The following CMIP variants were observed in gnomAD, a reference collection of about 807,000 sequenced individuals.
CMIP encodes the protein C-Maf-inducing protein.
Under a neutral mutation model 97.3 loss-of-function variants are expected in CMIP, and 13 were observed. That is an observed-to-expected ratio of 0.13 (90% CI 0.09 to 0.21). CMIP has a LOEUF of 0.21. Among genes scored for constraint, CMIP ranks in the 10% least tolerant of loss-of-function variants. The pLI, the probability that CMIP is intolerant of heterozygous loss-of-function variation, is 1.00. For synonymous variants in CMIP, 538 were observed against 436.3 expected (o/e 1.23, Z -2.91); for missense variants, 847 against 1,024.9 (o/e 0.83, Z 2.37).
chr16:81,445,521 A>T lies in CMIP; in HGVS notation c.280A>T (p.Asn94Tyr). The T allele has an allele frequency of 6.5e-7, 1 of 1,549,662 alleles. No homozygotes were observed. Among genetic ancestry groups the T allele is most frequent in the Non-Finnish European group, 8.7e-7 (1 of 1,146,916 alleles). ...GCCGCACCACCTAACGCTGGCCGAC[A>T]ACAGCCTGGCGTCCGCCACGGTGAG... ...WEPHHLTLAD[N>Y]SLASATPTGY... is the part of the protein sequence containing the mutation. Residue 94 changes from asparagine (N) to tyrosine (Y), a missense_variant, in exon 1 of 21, where the codon AAC becomes TAC. Around this residue, in one of 4 missense-constraint regions of CMIP, gnomAD observed 285 missense variants for 392.2 expected, o/e 0.73. Transcript: ENST00000537098.
chr16:81,473,449 G>C (rs1907682034), intron 1 of CMIP, among the ~76,000 whole-genome samples: 1 of 150,280 alleles, frequency 6.7e-6, no homozygotes, highest in Non-Finnish European at 1.5e-5. Flanking sequence ...GTCTTTGTTG[G>C]TTTTCTTTTT....
Position 81,522,019 on chromosome 16 carries a change from C to A in CMIP, c.300+76478C>A, listed in dbSNP as rs145847760. ...AAGCAGGATTTCAGAGGTGCTGTTA[C>A]AATTTAAGAGTAAATCTGATATTTA... On this transcript the variant is annotated intron_variant, in intron 1 of 20. Coordinates refer to ENST00000537098, the MANE Select transcript of CMIP (RefSeq NM_198390.3). Among the ~76,000 whole-genome samples, 419 of 152,282 alleles carry A rather than the reference C, an allele frequency of 2.8e-3. 1 individual carries two copies. Among genetic ancestry groups the A allele is most frequent in the African/African-American group, 9.7e-3 (402 of 41,556 alleles).
chr16:81,583,754 G>C (rs1222495841), intron 1 of CMIP, among the ~76,000 whole-genome samples: 1 of 152,176 alleles, frequency 6.6e-6, no homozygotes, highest in Non-Finnish European at 1.5e-5. Context: ...GGAAAGACGA[G>C]AGCATCTGAA....
At chr16:81,484,204 G>A (rs541333973) in intron 1 of CMIP, among the ~76,000 whole-genome samples, 3 of 152,242 alleles carry the variant, frequency 2.0e-5, no homozygotes, top group African/African-American at 4.8e-5. Flanking sequence ...CTTCCCTGGC[G>A]GACCTCGCCC....
chr16:81,488,974 C>CG (rs1383396210), intron 1 of CMIP, among the ~76,000 whole-genome samples: 2 of 103,200 alleles, frequency 1.9e-5, no homozygotes, highest in South Asian at 6.1e-4. Flanking sequence ...TTCTTTCATT[C>CG]ATTTTTTTTT....
chr16:81,594,780 A>ATTTTTT (rs570057427), intron 1 of CMIP, among the ~76,000 whole-genome samples: 44 of 115,030 alleles, frequency 3.8e-4, no homozygotes, highest in African/African-American at 4.5e-4. Context: ...CGCCCAGCTA[A>ATTTTTT]TTTTTTTTTT....
At chr16:81,558,282 A>G (rs144780899) in intron 1 of CMIP, among the ~76,000 whole-genome samples, 192 of 152,118 alleles carry the variant, frequency 1.3e-3, no homozygotes, top group African/African-American at 4.4e-3. Flanking sequence ...CTCCATCAGC[A>G]GACACGAGGC....
chr16:81,676,437 C>T (rs895414193), intron 9 of CMIP, among the ~76,000 whole-genome samples: 5 of 152,064 alleles, frequency 3.3e-5, no homozygotes, highest in Admixed American at 2.6e-4. Flanking sequence ...CCCAGGTTAG[C>T]GTGGCTCTCT....
At chr16:81,620,417 C>T (rs1167418217) in intron 2 of CMIP, 1 of 155,454 alleles carries the variant, frequency 6.4e-6, no homozygotes, top group African/African-American at 2.4e-5. Flanking sequence ...TGATAGGTGC[C>T]ACCTCATAGG....
intron 1 of CMIP, among the ~76,000 whole-genome samples, chr16:81,511,898 G>A (rs948028872): frequency 6.6e-6 from 1 of 151,988 alleles, no homozygotes; most frequent in Non-Finnish European, 1.5e-5. Context: ...CCAATACCAC[G>A]GCCACCAGCC....
chr16:81,488,975 A>T (rs1338508405), intron 1 of CMIP, among the ~76,000 whole-genome samples: 16 of 148,590 alleles, frequency 1.1e-4, no homozygotes, highest in South Asian at 6.4e-4. Flanking sequence ...TCTTTCATTC[A>T]TTTTTTTTTT....
At chr16:81,689,712 G>A (rs1216210917) in intron 10 of CMIP, among the ~76,000 whole-genome samples, 3 of 152,184 alleles carry the variant, frequency 2.0e-5, no homozygotes, top group Admixed American at 6.5e-5. Flanking sequence ...TGGTATTTTA[G>A]TCATGAAGTC....
Position 81,610,225 on chromosome 16 carries a change from A to G in CMIP, c.426+2533A>G, listed in dbSNP as rs565345622. 6.0e-4 allele frequency: 417 copies of G among 698,954 alleles called. 5 individuals are homozygous for G. In the South Asian group the frequency reaches 0.024, roughly 40 times the overall value. 43.3% of individuals were successfully genotyped at this position (698,954 alleles called of 1,614,324 possible). A position where few individuals can be genotyped will look rare whatever the true frequency, so the allele number is the denominator to read the frequency against. ...GAAGCAGTGCCTGGAATGTCCCTTT[A>G]ACCCGGCTGTGGCCGCGGGCCCAGC... On this transcript the variant is annotated intron_variant, in intron 2 of 20. Transcript: ENST00000537098.
At chr16:81,488,437 A>AC (rs1346353055) in intron 1 of CMIP, among the ~76,000 whole-genome samples, 3 of 152,176 alleles carry the variant, frequency 2.0e-5, no homozygotes, top group African/African-American at 7.2e-5. Context: ...AAGTGCTTAG[A>AC]ACTGGGCCCG....
At chr16:81,676,715 C>T (rs1249738028) in intron 9 of CMIP, among the ~76,000 whole-genome samples, 3 of 152,190 alleles carry the variant, frequency 2.0e-5, no homozygotes, top group African/African-American at 7.2e-5. Context: ...AGGCCTGGTT[C>T]CTGGCATGTG....
chr16:81,610,879 A>G (rs1368556547), intron 2 of CMIP, among the ~76,000 whole-genome samples: 1 of 151,966 alleles, frequency 6.6e-6, no homozygotes, highest in Non-Finnish European at 1.5e-5. Context: ...CATACAACAT[A>G]CTGTATTAGA....
chr16:81,636,180 T>TTTG, intron 3 of CMIP, among the ~76,000 whole-genome samples: 1 of 123,554 alleles, frequency 8.1e-6, no homozygotes, highest in Admixed American at 8.7e-5. Context: ...TTGTCCTCTG[T>TTTG]ATGAATTTTT....
intron 1 of CMIP, among the ~76,000 whole-genome samples, chr16:81,581,379 G>C (rs898979611): frequency 3.9e-5 from 6 of 152,158 alleles, no homozygotes; most frequent in African/African-American, 1.4e-4. Context: ...TCACACCTGG[G>C]CTGTGAGGTG....
chr16:81,471,427 T>C (rs922496549), intron 1 of CMIP, among the ~76,000 whole-genome samples: 4 of 152,188 alleles, frequency 2.6e-5, no homozygotes, highest in African/African-American at 9.7e-5. Context: ...TACATGTACA[T>C]GCACATACAT....
Sources: allele counts gnomAD v4.1 joint callset (sites outside exome capture counted in the v4.1 genomes callset), GRCh38; gene constraint gnomAD v4.1.1; regional missense constraint gnomAD v4.1.1; transcripts MANE v1.5; gene names NCBI Gene and HGNC (gene_info 2026-07-23, HGNC 2026-07-21).